Variants in PCDHGB5 observed in about 807,000 individuals in gnomAD.
PCDHGB5 encodes protocadherin gamma-B5.
In PCDHGB5, 48 loss-of-function variants were observed where a neutral mutation model predicts 62.9. The ratio of observed to expected loss-of-function variants is 0.76; its 90% CI spans 0.61 to 0.97. The LOEUF is 0.97. PCDHGB5 is among the 50% of genes least tolerant of loss of function. The pLI, the probability that PCDHGB5 is intolerant of heterozygous loss-of-function variation, is 0.00. For synonymous variants in PCDHGB5, 474 were observed against 511.2 expected, an observed-to-expected ratio of 0.93 and a Z score of 0.98; for missense variants, 1,118 against 1,198.6, an observed-to-expected ratio of 0.93 and a Z score of 0.99.
chr5:141,403,850 G>A lies in PCDHGB5; in HGVS notation c.2397+3326G>A, dbSNP rs368454282. The A allele has an allele frequency of 1.4e-5, 23 of 1,613,634 alleles. No individual in the cohort carries two copies. In the African/African-American group the frequency reaches 3.1e-4, roughly 22 times the overall value. On this transcript the variant is annotated intron_variant, in intron 1 of 3. Coordinates refer to ENST00000617380, the MANE Select transcript of PCDHGB5 (RefSeq NM_018925.3). Reference sequence around the variant, plus strand: ...ATTCCAGCTTAATGAAAATACTGGGGAAATATCAACAGCAAAAAGTCTAGA... The same window carrying A: ...ATTCCAGCTTAATGAAAATACTGGGAAAATATCAACAGCAAAAAGTCTAGA...
Position 141,399,901 on chromosome 5 carries a change from G to A in PCDHGB5, c.1774G>A (p.Ala592Thr), listed in dbSNP as rs767228671. The change falls in exon 1 of 4, where the codon GCA (alanine) becomes ACA (threonine). Residue 592 changes from alanine (A) to threonine (T), a missense_variant. By Grantham distance (58) the Ala-to-Thr change is moderately conservative (BLOSUM62 0). Coordinates refer to ENST00000617380, the MANE Select transcript of PCDHGB5 (RefSeq NM_018925.3). ...GGTGACCAAGGTAGTGGCCGTGGAC[G>A]CAGACTCAGGACACAACGCCTGGCT... ...YLVTKVVAVD[A>T]DSGHNAWLSY... The A allele has an allele frequency of 2.6e-5, 42 of 1,612,296 alleles. No homozygotes were observed. Among genetic ancestry groups the A allele is most frequent in the African/African-American group, 1.3e-5 (1 of 74,898 alleles).
At chr5:141,430,612 G>A (rs1406353008) in intron 1 of PCDHGB5, 2 of 680,678 alleles carry the variant, frequency 2.9e-6, no homozygotes, top group African/African-American at 3.7e-5. Flanking sequence ...GCACAAAGCA[G>A]ATAGCTAGGA....
intron 1 of PCDHGB5, among the ~76,000 whole-genome samples, chr5:141,469,212 G>A (rs114294512): frequency 0.021 from 3,174 of 151,360 alleles, 54 homozygotes; most frequent in Non-Finnish European, 0.032. Flanking sequence ...TTGAAGTTGA[G>A]GCTTCAGTGA....
intron 1 of PCDHGB5, chr5:141,429,155 G>A (rs115622025): frequency 0.044 from 6,389 of 145,752 alleles, 216 homozygotes; most frequent in African/African-American, 0.099. Flanking sequence ...CACCCGGCCC[G>A]GAGACATTGT....
intron 1 of PCDHGB5, among the ~76,000 whole-genome samples, chr5:141,406,639 A>G (rs1301755864): frequency 6.6e-6 from 1 of 152,208 alleles, no homozygotes; most frequent in Non-Finnish European, 1.5e-5. Flanking sequence ...AAAGGTCTTA[A>G]TTTCCTAATG....
intron 1 of PCDHGB5, among the ~76,000 whole-genome samples, chr5:141,438,771 C>T (rs1056879944): frequency 1.3e-5 from 2 of 149,126 alleles, no homozygotes; most frequent in Non-Finnish European, 3.0e-5. Flanking sequence ...AAGCGATTCT[C>T]CTGCCTCAGC....
chr5:141,436,089 T>C (rs1001252646), intron 1 of PCDHGB5, among the ~76,000 whole-genome samples: 1 of 152,204 alleles, frequency 6.6e-6, no homozygotes, highest in Non-Finnish European at 1.5e-5. Context: ...ATAGGTAATA[T>C]TGAGAGAAAT....
In PCDHGB5 at chr5:141,487,198, T is replaced by C; in HGVS notation, c.2398-7609T>C. ...AAGACACTCATCCAGTTGTCCCAGA[T>C]CTTCGAGAATCTTCAGCTCCAAGGG... On this transcript the variant is annotated intron_variant, in intron 1 of 3. Transcript: ENST00000617380. The surrounding 1 kb of genome is among the most constrained non-coding windows in gnomAD (Gnocchi z 5.0). The C allele has an allele frequency of 6.2e-7, 1 of 1,613,854 alleles. No homozygotes were observed.
At chr5:141,417,994 G>T (rs369226139) in intron 1 of PCDHGB5, 231 of 1,613,766 alleles carry the variant, frequency 1.4e-4, no homozygotes, top group Non-Finnish European at 1.8e-4. Flanking sequence ...CCAAGGGCTC[G>T]GTGGTGGGGA....
chr5:141,415,584 T>C lies in PCDHGB5; in HGVS notation c.2397+15060T>C, dbSNP rs763238799. 7.4e-6 allele frequency: 12 copies of C among 1,614,012 alleles called. No individual in the cohort carries two copies. In the South Asian group the frequency reaches 1.3e-4, roughly 18 times the overall value. ...TGTCTTTGTTAGATGATTCGAAGTT[T>C]CCTATAGAGGATACCCCATTGGTTC... On this transcript the variant is annotated intron_variant, in intron 1 of 3. Coordinates refer to ENST00000617380, the MANE Select transcript of PCDHGB5 (RefSeq NM_018925.3).
intron 1 of PCDHGB5, among the ~76,000 whole-genome samples, chr5:141,442,888 GCTTATCA>G (rs776180931): frequency 8.5e-5 from 13 of 152,204 alleles, no homozygotes; most frequent in Non-Finnish European, 1.8e-4. Flanking sequence ...CAGAATCCCT[GCTTATCA>G]CTTCTCCTTC....
At position 141,399,013 on chromosome 5, in the gene PCDHGB5, G is replaced by A. The variant is rs145783835; in HGVS notation, c.886G>A (p.Glu296Lys). 9.5e-3 allele frequency: 15,345 copies of A among 1,613,900 alleles called. 158 individuals are homozygous for A. Among genetic ancestry groups the A allele is most frequent in the South Asian group, 0.02 (1,850 of 91,076 alleles). Residue 296 changes from glutamate (E) to lysine (K), a missense_variant, in exon 1 of 4, where the codon GAA becomes AAA. This residue lies in a region of PCDHGB5 where 1,034 missense variants were observed against 1,029.1 expected (regional missense o/e 1.00). Coordinates refer to ENST00000617380, the MANE Select transcript of PCDHGB5 (RefSeq NM_018925.3). ...CTTTAGTCTGAATTCAAAGAGCGGA[G>A]AAATTACCACTCAAAAGAAACTGGA... ...QIFSLNSKSGEITTQKKLDFE... is the reference protein window; with the variant it reads ...QIFSLNSKSGKITTQKKLDFE...
chr5:141,400,383 T>C lies in PCDHGB5; in HGVS notation c.2256T>C (p.Val752=), dbSNP rs1267422491. 6.2e-7 allele frequency: 1 copy of C among 1,614,088 alleles called. No homozygotes were observed. The change falls in exon 1 of 4, where the codon GTT becomes GTC. Residue 752 remains valine, a synonymous_variant. Coordinates refer to ENST00000617380, the MANE Select transcript of PCDHGB5 (RefSeq NM_018925.3). Reference sequence around the variant, plus strand: ...TGCCTTATTCCTACAACCTATGTGTTGCACATACAGGAAAGACGGAGTTTA... The same window carrying C: ...TGCCTTATTCCTACAACCTATGTGTCGCACATACAGGAAAGACGGAGTTTA... The part of the protein sequence containing the change: ...GTLPYSYNLC[V]AHTGKTEFNF...
chr5:141,473,925 T>C (rs1338065496), intron 1 of PCDHGB5, among the ~76,000 whole-genome samples: 1 of 152,124 alleles, frequency 6.6e-6, no homozygotes, highest in East Asian at 1.9e-4. Context: ...AACTATGAGC[T>C]GGGTGCAGTA....
At chr5:141,501,206 A>G (rs977574347) in intron 2 of PCDHGB5, among the ~76,000 whole-genome samples, 22 of 151,674 alleles carry the variant, frequency 1.5e-4, no homozygotes, top group African/African-American at 5.3e-4. Context: ...GGGTGTTGTC[A>G]GGGTGACTTC....
chr5:141,489,447 G>A lies in PCDHGB5; in HGVS notation c.2398-5360G>A. The A allele has an allele frequency of 5.6e-6, 9 of 1,614,134 alleles. No homozygotes were observed. The highest frequency in any genetic ancestry group is 7.6e-6 in the Non-Finnish European group (9 of 1,180,028). ...GCCGGCGGCTGCAATTGGGCTCTGA[G>A]GAGAATGGGCGCTATTTTTCCCTGA... On this transcript the variant is annotated intron_variant, in intron 1 of 3. Coordinates refer to ENST00000617380, the MANE Select transcript of PCDHGB5 (RefSeq NM_018925.3). This position sits in a 1 kb window ranked among gnomAD's most constrained non-coding sequence, Gnocchi z 4.5.
intron 1 of PCDHGB5, among the ~76,000 whole-genome samples, chr5:141,420,626 C>T (rs1192244062): frequency 6.6e-6 from 1 of 152,152 alleles, no homozygotes; most frequent in Non-Finnish European, 1.5e-5. Flanking sequence ...TTCATTTACT[C>T]AATAAAGGAA....
At chr5:141,406,574 C>A (rs941574087) in intron 1 of PCDHGB5, among the ~76,000 whole-genome samples, 1 of 152,164 alleles carries the variant, frequency 6.6e-6, no homozygotes, top group African/African-American at 2.4e-5. Context: ...CCCTAGTAAA[C>A]CAATTTTTTC....
At chr5:141,484,795 C>G (rs1265916821) in intron 1 of PCDHGB5, among the ~76,000 whole-genome samples, 1 of 151,902 alleles carries the variant, frequency 6.6e-6, no homozygotes, top group Middle Eastern at 3.4e-3. Flanking sequence ...AGATAACAAC[C>G]CGTGGAAAAA....
Sources: gnomAD v4.1 joint callset for allele counts (sites outside exome capture counted in the v4.1 genomes callset) on GRCh38, gnomAD v4.1.1 for gene constraint, gnomAD v4.1.1 regional missense constraint, Gnocchi (gnomAD v3.1) non-coding constraint, MANE v1.5 for transcripts, NCBI Gene and HGNC (gene_info 2026-07-23, HGNC 2026-07-21) for gene names.